The following PLEKHA5 variants were observed in gnomAD, a reference collection of about 807,000 sequenced individuals.
PLEKHA5 encodes the protein pleckstrin homology domain containing A5, also known as pleckstrin homology domain-containing family A member 5.
Under a neutral mutation model 181.9 loss-of-function variants are expected in PLEKHA5, and 55 were observed. That is an observed-to-expected ratio of 0.30 (90% CI 0.24 to 0.38). The LOEUF (loss-of-function observed/expected upper bound fraction) is 0.38, where lower values mean the gene tolerates loss of function less well. Among genes scored for constraint, PLEKHA5 ranks in the 10% least tolerant of loss-of-function variants. The pLI, the probability that PLEKHA5 is intolerant of heterozygous loss-of-function variation, is 1.00. For synonymous variants in PLEKHA5, 535 were observed against 529.4 expected, an observed-to-expected ratio of 1.01 and a Z score of -0.15; for missense variants, 1,432 against 1,549.5, an observed-to-expected ratio of 0.92 and a Z score of 1.27.
chr12:19,338,728 GTAATCAGCTACAA>G (rs2093647856), intron 21 of PLEKHA5, among the ~76,000 whole-genome samples: 1 of 151,506 alleles, frequency 6.6e-6, no homozygotes, highest in African/African-American at 2.4e-5. Context: ...TACACTGTCA[GTAATCAGCTACAA>G]TAATCAGCTA....
At chr12:19,292,330 C>T (rs574404304) in intron 15 of PLEKHA5, among the ~76,000 whole-genome samples, 13 of 152,050 alleles carry the variant, frequency 8.5e-5, no homozygotes, top group Non-Finnish European at 1.6e-4. Flanking sequence ...TGCTTGAACC[C>T]GGGAGGTGGA....
chr12:19,131,353 A>AAG (rs1283565531), intron 2 of PLEKHA5, among the ~76,000 whole-genome samples: 2 of 152,200 alleles, frequency 1.3e-5, no homozygotes, highest in African/African-American at 4.8e-5. Flanking sequence ...GAAGAAAGGA[A>AAG]AGGCTGGTGT....
At chr12:19,184,383 C>A (rs2049330859) in intron 3 of PLEKHA5, among the ~76,000 whole-genome samples, 1 of 152,074 alleles carries the variant, frequency 6.6e-6, no homozygotes, top group Admixed American at 6.6e-5. Flanking sequence ...TAAACATTTG[C>A]TGGGGACTTT....
chr12:19,334,209 A>G (rs970545696), intron 20 of PLEKHA5, among the ~76,000 whole-genome samples: 1 of 151,996 alleles, frequency 6.6e-6, no homozygotes, highest in African/African-American at 2.4e-5. Flanking sequence ...TTGTGTTCCT[A>G]CCCACCTGGT....
chr12:19,342,519 G>A (rs1427156792), intron 21 of PLEKHA5, among the ~76,000 whole-genome samples: 1 of 152,178 alleles, frequency 6.6e-6, no homozygotes, highest in Non-Finnish European at 1.5e-5. Context: ...AGCCGGGTGT[G>A]GTGGCACATG....
At position 19,142,773 on chromosome 12, in the gene PLEKHA5, AGT is replaced by A. The variant is rs1445052247; in HGVS notation, c.227+10326_227+10327del. Among the ~76,000 whole-genome samples, 4 of 152,290 alleles carry A rather than the reference AGT, an allele frequency of 2.6e-5. No individual in the cohort carries two copies. In the East Asian group the frequency reaches 7.7e-4, roughly 29 times the overall value. ...TCTCTAAATTTATTCATCTTCTATA[AGT>A]GTAACTCTATACTCACTTTGATCTG... On this transcript the variant is annotated intron_variant, in intron 3 of 31. Coordinates refer to ENST00000429027, the MANE Select transcript of PLEKHA5 (RefSeq NM_001256470.2).
At chr12:19,314,948 T>G (rs1348505242) in intron 16 of PLEKHA5, 54 bp downstream of exon 16, 4 of 876,894 alleles carry the variant, frequency 4.6e-6, no homozygotes, top group Non-Finnish European at 7.5e-6. Context: ...AATCCCTCAG[T>G]GACAGTTTTG....
chr12:19,163,084 C>T (rs2043359478), intron 3 of PLEKHA5, among the ~76,000 whole-genome samples: 3 of 152,004 alleles, frequency 2.0e-5, no homozygotes, highest in Admixed American at 1.3e-4. Context: ...GTAAATTGTC[C>T]CTTCTCCCTT....
chr12:19,345,673 G>T (rs2094284821), intron 22 of PLEKHA5, among the ~76,000 whole-genome samples, 169 bp from the exon 23 acceptor site: 2 of 152,026 alleles, frequency 1.3e-5, no homozygotes, highest in Non-Finnish European at 2.9e-5. Context: ...TGAGGCACAA[G>T]AATTGCTTGA....
intron 30 of PLEKHA5, among the ~76,000 whole-genome samples, chr12:19,368,942 A>G (rs150695394): frequency 3.1e-5 from 3 of 95,532 alleles, no homozygotes; most frequent in African/African-American, 9.6e-5. Context: ...CATAGTATTT[A>G]GCTGCATAGA....
At chr12:19,347,309 T>G (rs1432848687) in intron 24 of PLEKHA5, 127 bp downstream of exon 24, 12 of 441,538 alleles carry the variant, frequency 2.7e-5, no homozygotes, top group Non-Finnish European at 4.3e-5. Flanking sequence ...GGCCAGCAGT[T>G]TTTAGTTTAT....
chr12:19,357,576 T>C (rs1261869772), intron 26 of PLEKHA5, among the ~76,000 whole-genome samples: 2 of 152,002 alleles, frequency 1.3e-5, no homozygotes, highest in Non-Finnish European at 2.9e-5. Context: ...GTGGTGATGG[T>C]GTTTTTTGTT....
chr12:19,346,632 A>G (rs1046668372), intron 23 of PLEKHA5, among the ~76,000 whole-genome samples: 1 of 152,128 alleles, frequency 6.6e-6, no homozygotes. Context: ...TCTCTACCAA[A>G]TAAATAAATA....
At chr12:19,310,475 TG>T (rs2086063178) in intron 15 of PLEKHA5, among the ~76,000 whole-genome samples, 2 of 151,910 alleles carry the variant, frequency 1.3e-5, no homozygotes, top group Admixed American at 1.3e-4. Flanking sequence ...CTGAGTGTGG[TG>T]GTGGGCACCT....
chr12:19,178,735 C>A (rs967167844), intron 3 of PLEKHA5, among the ~76,000 whole-genome samples: 1 of 152,146 alleles, frequency 6.6e-6, no homozygotes, highest in Non-Finnish European at 1.5e-5. Flanking sequence ...GTCTGCCTTA[C>A]TGGGCGTTAG....
Position 19,347,096 on chromosome 12 carries a change from C to G in PLEKHA5, c.2812C>G (p.Leu938Val). 6.4e-7 allele frequency: 1 copy of G among 1,550,714 alleles called. No individual in the cohort carries two copies. The highest frequency in any genetic ancestry group is 8.7e-7 in the Non-Finnish European group (1 of 1,146,046). ...PPLPSDSSSL[L>V]CYSRGPVHLP... ...TCTGCCCAGTGATAGCAGCTCCTTG[C>G]TCTGTTATAGCAGGGGCCCAGTTCA... The change falls in exon 24 of 32, where the codon CTC becomes GTC. Residue 938 changes from leucine to valine, a missense_variant. Coordinates refer to ENST00000429027, the MANE Select transcript of PLEKHA5 (RefSeq NM_001256470.2).
At chr12:19,374,334 G>A (rs538558355) in intron 31 of PLEKHA5, among the ~76,000 whole-genome samples, 2 of 152,126 alleles carry the variant, frequency 1.3e-5, no homozygotes, top group African/African-American at 4.8e-5. Context: ...GTTGCCAGCG[G>A]TACATTTTTT....
intron 10 of PLEKHA5, among the ~76,000 whole-genome samples, chr12:19,270,426 T>C (rs1203020256): frequency 6.6e-6 from 1 of 152,210 alleles, no homozygotes; most frequent in African/African-American, 2.4e-5. Flanking sequence ...ATTGTTTTTG[T>C]AATGAATGTC....
intron 28 of PLEKHA5, among the ~76,000 whole-genome samples, chr12:19,361,146 T>C (rs529351262): frequency 1.3e-5 from 2 of 152,274 alleles, no homozygotes; most frequent in Non-Finnish European, 2.9e-5. Flanking sequence ...TTATTATCAG[T>C]AAATATTTGA....
Sources: allele counts gnomAD v4.1 joint callset (sites outside exome capture counted in the v4.1 genomes callset), GRCh38; gene constraint gnomAD v4.1.1; transcripts MANE v1.5; gene names NCBI Gene and HGNC (gene_info 2026-07-23, HGNC 2026-07-21).